Variants in NIPBL observed in about 807,000 individuals in gnomAD.
NIPBL encodes nipped-B-like protein.
Under a neutral mutation model 321.8 loss-of-function variants are expected in NIPBL, and 19 were observed. The ratio of observed to expected loss-of-function variants is 0.06; its 90% CI spans 0.04 to 0.09. The LOEUF (loss-of-function observed/expected upper bound fraction) is 0.09. Among genes scored for constraint, NIPBL ranks in the 10% least tolerant of loss-of-function variants. NIPBL has a pLI of 1.00. For missense variants in NIPBL, 2,210 were observed against 3,327.0 expected, an observed-to-expected ratio of 0.66 and a Z score of 8.26; for synonymous variants, 1,106 against 1,114.1, an observed-to-expected ratio of 0.99 and a Z score of 0.14.
chr5:36,932,046 C>T (rs938649310), intron 1 of NIPBL, among the ~76,000 whole-genome samples: 1 of 152,058 alleles, frequency 6.6e-6, no homozygotes, highest in Admixed American at 6.6e-5. Context: ...TCTTCTTTGA[C>T]CCATTGATTT....
intron 1 of NIPBL, among the ~76,000 whole-genome samples, chr5:36,932,204 G>A (rs1175890955): frequency 6.6e-6 from 1 of 152,130 alleles, no homozygotes; most frequent in Non-Finnish European, 1.5e-5. Context: ...TGCTTAAAAG[G>A]CATTGAGTAT....
intron 11 of NIPBL, 84 bp from the exon 12 acceptor site, chr5:37,000,289 C>T: frequency 7.5e-7 from 1 of 1,326,512 alleles, no homozygotes; most frequent in Non-Finnish European, 1.1e-6. Context: ...AGATTTTTTT[C>T]CCCATGTGAT....
chr5:36,955,714 A>C (rs1740864865), intron 3 of NIPBL, 77 bp downstream of exon 3: 2 of 1,163,822 alleles, frequency 1.7e-6, no homozygotes, highest in Non-Finnish European at 2.6e-6. Context: ...TCCTGGTTTT[A>C]TTTCAGAAAT....
At chr5:36,896,485 G>A (rs1004597989) in intron 1 of NIPBL, among the ~76,000 whole-genome samples, 4 of 152,130 alleles carry the variant, frequency 2.6e-5, no homozygotes, top group African/African-American at 9.7e-5. Flanking sequence ...GATAGGGGTC[G>A]TATTAAATCT....
rs1031224778 is a variant in NIPBL at position 36,984,909 on chromosome 5, C to T, written c.1729C>T (p.Pro577Ser). 3 of 1,613,656 alleles carry T rather than the reference C, an allele frequency of 1.9e-6. No individual in the cohort carries two copies. The highest frequency in any genetic ancestry group is 1.1e-5 in the South Asian group (1 of 91,078). The change falls in exon 10 of 47, where the codon CCT becomes TCT. Residue 577 changes from proline to serine, a missense_variant. This residue lies in a region of NIPBL where 588 missense variants were observed against 564.1 expected (regional missense o/e 1.04). Coordinates refer to ENST00000282516, the MANE Select transcript of NIPBL (RefSeq NM_133433.4). ...AGAAATCAAACAATGTAATGATGCA[C>T]CTGTTTCTGTTCTTCAGGAAGATAT... The part of the protein sequence containing the change: ...PEEIKQCNDA[P>S]VSVLQEDIVG...
intron 1 of NIPBL, among the ~76,000 whole-genome samples, chr5:36,941,827 G>A (rs931589112): frequency 7.9e-5 from 12 of 151,928 alleles, no homozygotes; most frequent in Non-Finnish European, 1.2e-4. Context: ...ATTTTTAAAA[G>A]TTTATGTACA....
intron 45 of NIPBL, among the ~76,000 whole-genome samples, chr5:37,063,101 G>A (rs1449782519): frequency 6.6e-6 from 1 of 152,120 alleles, no homozygotes; most frequent in Non-Finnish European, 1.5e-5. Context: ...CACTTTGGGA[G>A]GCTGAGGTGG....
At chr5:37,060,203 T>A (rs1288485921) in intron 44 of NIPBL, among the ~76,000 whole-genome samples, 2 of 152,188 alleles carry the variant, frequency 1.3e-5, no homozygotes, top group Non-Finnish European at 2.9e-5. Flanking sequence ...TGCAACAGGG[T>A]CTCGCTCTGA....
chr5:36,938,827 C>T (rs1326933371), intron 1 of NIPBL, among the ~76,000 whole-genome samples: 9 of 152,086 alleles, frequency 5.9e-5, no homozygotes, highest in East Asian at 1.9e-4. Flanking sequence ...TGATACAATC[C>T]GGGAGCTTGT....
intron 1 of NIPBL, among the ~76,000 whole-genome samples, chr5:36,941,559 G>T (rs1225526277): frequency 6.7e-6 from 1 of 149,842 alleles, no homozygotes; most frequent in Non-Finnish European, 1.5e-5. Flanking sequence ...AGAGTTTCAG[G>T]TTTAATTAAA....
At chr5:36,939,321 C>T (rs1311890370) in intron 1 of NIPBL, among the ~76,000 whole-genome samples, 1 of 152,158 alleles carries the variant, frequency 6.6e-6, no homozygotes, top group African/African-American at 2.4e-5. Flanking sequence ...TTTTCAGCCC[C>T]TGGCAACCAC....
intron 1 of NIPBL, among the ~76,000 whole-genome samples, chr5:36,893,355 G>A (rs1008145396): frequency 6.6e-6 from 1 of 152,166 alleles, no homozygotes; most frequent in African/African-American, 2.4e-5. Flanking sequence ...TCAAACTGAT[G>A]TATCCAAAAT....
At chr5:37,047,951 C>T (rs1470443886) in intron 38 of NIPBL, among the ~76,000 whole-genome samples, 4 of 151,796 alleles carry the variant, frequency 2.6e-5, no homozygotes, top group African/African-American at 9.7e-5. Flanking sequence ...ATTTTTAGCT[C>T]TGGTTTATTA....
chr5:36,995,906 T>G, intron 11 of NIPBL, 102 bp downstream of exon 11: 2 of 968,688 alleles, frequency 2.1e-6, no homozygotes, highest in South Asian at 1.4e-5. Flanking sequence ...CACAGTCACC[T>G]TAATTCTTAA....
intron 6 of NIPBL, among the ~76,000 whole-genome samples, chr5:36,965,486 A>T (rs1047033358): frequency 1.5e-4 from 23 of 152,104 alleles, no homozygotes. Flanking sequence ...AAGATAGAGA[A>T]TAGATTGGTG....
intron 21 of NIPBL, among the ~76,000 whole-genome samples, chr5:37,013,444 T>G (rs1396844251): frequency 1.3e-5 from 2 of 150,562 alleles, no homozygotes; most frequent in Admixed American, 6.6e-5. Context: ...GCTCCTCACT[T>G]CTCAGACGGG....
intron 1 of NIPBL, among the ~76,000 whole-genome samples, chr5:36,940,990 T>G (rs1358776703): frequency 6.6e-6 from 1 of 152,166 alleles, no homozygotes; most frequent in Non-Finnish European, 1.5e-5. Context: ...TCTATTTGGT[T>G]TACCACTGTA....
intron 1 of NIPBL, among the ~76,000 whole-genome samples, chr5:36,941,427 T>A (rs149099007): frequency 4.7e-5 from 7 of 148,560 alleles, no homozygotes; most frequent in Middle Eastern, 3.6e-3. Flanking sequence ...TTAGGTACTT[T>A]AAAAAAAATC....
rs190133607 is a variant in NIPBL at position 37,018,724 on chromosome 5, C to T, written c.4921-587C>T. ...TTTTTATGGCTCTCAACACATATTT[C>T]CAAAAGGAAATTCTTCCTACCTCTG... On this transcript the variant is annotated intron_variant, in intron 24 of 46. Coordinates refer to ENST00000282516, the MANE Select transcript of NIPBL (RefSeq NM_133433.4). Among the ~76,000 whole-genome samples the T allele has an allele frequency of 1.8e-4, 27 of 152,226 alleles. 1 individual carries two copies. The highest frequency in any genetic ancestry group is 1.2e-3 in the Admixed American group (19 of 15,286).
Sources: gnomAD v4.1 joint callset for allele counts (sites outside exome capture counted in the v4.1 genomes callset) on GRCh38, gnomAD v4.1.1 for gene constraint, gnomAD v4.1.1 regional missense constraint, MANE v1.5 for transcripts, NCBI Gene and HGNC (gene_info 2026-07-23, HGNC 2026-07-21) for gene names.